ERBB4: variants seen among roughly 807,000 people sequenced by gnomAD.
ERBB4 encodes erb-b2 receptor tyrosine kinase 4, also known as receptor tyrosine-protein kinase erbB-4.
ERBB4 carries 42 observed loss-of-function variants against 158.0 expected under a neutral mutation model. The ratio of observed to expected loss-of-function variants is 0.27; its 90% CI spans 0.21 to 0.34. ERBB4 has a LOEUF of 0.34. ERBB4 is among the 10% of genes least tolerant of loss of function. The pLI is 1.00. For missense variants in ERBB4, 1,333 were observed against 1,624.1 expected (o/e 0.82, Z 3.08); for synonymous variants, 583 against 558.7 (o/e 1.04, Z -0.61).
chr2:212,386,352 C>T (rs1203103501), intron 1 of ERBB4, among the ~76,000 whole-genome samples: 1 of 151,868 alleles, frequency 6.6e-6, no homozygotes, highest in African/African-American at 2.4e-5. Context: ...TAGAATCTCT[C>T]ATTCTTTCTC....
At chr2:212,467,556 A>C (rs1688900637) in intron 1 of ERBB4, among the ~76,000 whole-genome samples, 1 of 152,230 alleles carries the variant, frequency 6.6e-6, no homozygotes, top group Non-Finnish European at 1.5e-5. Context: ...CCGCCAGTGC[A>C]CATAAGTCAA....
chr2:211,667,285 C>T (rs542448604), intron 14 of ERBB4, among the ~76,000 whole-genome samples: 6 of 151,890 alleles, frequency 4.0e-5, no homozygotes, highest in African/African-American at 7.3e-5. Flanking sequence ...ATCAGAAAAT[C>T]GAGAAATACA....
intron 1 of ERBB4, among the ~76,000 whole-genome samples, chr2:212,465,505 C>G (rs748727382): frequency 2.4e-4 from 36 of 152,122 alleles, no homozygotes; most frequent in Non-Finnish European, 4.3e-4. Flanking sequence ...TATACACACA[C>G]CTATTTTAGC....
intron 4 of ERBB4, among the ~76,000 whole-genome samples, chr2:211,772,645 T>C (rs2075721151): frequency 1.3e-5 from 2 of 150,406 alleles, no homozygotes; most frequent in African/African-American, 4.9e-5. Flanking sequence ...TGATAACTAA[T>C]GTTTTTTCTT....
intron 3 of ERBB4, among the ~76,000 whole-genome samples, chr2:211,941,292 T>C (rs1046485121): frequency 1.3e-5 from 2 of 151,692 alleles, no homozygotes; most frequent in East Asian, 3.9e-4. Flanking sequence ...TATCACAATA[T>C]GCTGAATAGA....
At chr2:212,327,725 TTTC>T (rs1445949108) in intron 1 of ERBB4, among the ~76,000 whole-genome samples, 923 of 36,478 alleles carry the variant, frequency 0.025, 4 homozygotes, top group African/African-American at 0.076. Flanking sequence ...TTTTTCTTTT[TTTC>T]TTTTTTTTTT....
intron 25 of ERBB4, among the ~76,000 whole-genome samples, chr2:211,403,732 T>C (rs2063092442): frequency 6.6e-6 from 1 of 152,170 alleles, no homozygotes; most frequent in African/African-American, 2.4e-5. Context: ...TTTCTGTGCA[T>C]TGATTTCCTT....
At chr2:212,112,935 C>T (rs2079457228) in intron 2 of ERBB4, among the ~76,000 whole-genome samples, 1 of 152,152 alleles carries the variant, frequency 6.6e-6, no homozygotes, top group African/African-American at 2.4e-5. Flanking sequence ...TAAAAGTTCA[C>T]TGAACATTTA....
intron 16 of ERBB4, among the ~76,000 whole-genome samples, chr2:211,640,480 T>G (rs544057106): frequency 1.2e-4 from 18 of 152,308 alleles, no homozygotes; most frequent in Non-Finnish European, 2.4e-4. Flanking sequence ...CCTAGATATT[T>G]TATATGTGTT....
intron 2 of ERBB4, among the ~76,000 whole-genome samples, chr2:212,111,721 C>CTA (rs2079413960): frequency 6.6e-6 from 1 of 151,894 alleles, no homozygotes; most frequent in Non-Finnish European, 1.5e-5. Flanking sequence ...ACTCAATCAT[C>CTA]TATTAATTAA....
At chr2:211,844,970 G>C (rs1048865109) in intron 3 of ERBB4, among the ~76,000 whole-genome samples, 1 of 152,052 alleles carries the variant, frequency 6.6e-6, no homozygotes, top group African/African-American at 2.4e-5. Flanking sequence ...GAGAAAGAAG[G>C]GGTGGCATTC....
intron 7 of ERBB4, among the ~76,000 whole-genome samples, chr2:211,714,112 T>C (rs1004753982): frequency 3.3e-5 from 5 of 152,092 alleles, no homozygotes; most frequent in Non-Finnish European, 5.9e-5. Flanking sequence ...TTCAGTGGAG[T>C]GCCACAAAAC....
At chr2:211,503,186 C>T (rs764757192) in intron 20 of ERBB4, among the ~76,000 whole-genome samples, 58 of 152,196 alleles carry the variant, frequency 3.8e-4, no homozygotes, top group Non-Finnish European at 7.8e-4. Flanking sequence ...ACAGAGAGAC[C>T]GTTTAAACCA....
chr2:211,767,973 A>T (rs2075595207), intron 4 of ERBB4, among the ~76,000 whole-genome samples: 1 of 152,172 alleles, frequency 6.6e-6, no homozygotes, highest in Non-Finnish European at 1.5e-5. Context: ...CCAAAGTCTC[A>T]TCTGAGACAA....
chr2:211,792,119 A>G (rs866606932), intron 3 of ERBB4, among the ~76,000 whole-genome samples: 4 of 151,882 alleles, frequency 2.6e-5, no homozygotes, highest in Middle Eastern at 3.4e-3. Context: ...GGAATTTGCA[A>G]TCAATATTTA....
chr2:211,677,164 C>T (rs1164674599), intron 13 of ERBB4, among the ~76,000 whole-genome samples: 1 of 151,974 alleles, frequency 6.6e-6, no homozygotes, highest in Non-Finnish European at 1.5e-5. Context: ...TTATTTTTCT[C>T]GTGTAAAATG....
chr2:211,660,383 C>T (rs1267620633), intron 15 of ERBB4, among the ~76,000 whole-genome samples: 1 of 152,048 alleles, frequency 6.6e-6, no homozygotes, highest in Non-Finnish European at 1.5e-5. Flanking sequence ...TCAAGAAATA[C>T]CTCAAAAGAT....
chr2:212,149,125 C>A (rs528590277), intron 1 of ERBB4, among the ~76,000 whole-genome samples: 1 of 149,926 alleles, frequency 6.7e-6, no homozygotes, highest in Non-Finnish European at 1.5e-5. Flanking sequence ...TGTAACTAAC[C>A]TGCACAATGT....
chr2:211,583,485 T>C (rs1297428895), intron 19 of ERBB4, among the ~76,000 whole-genome samples: 1 of 149,064 alleles, frequency 6.7e-6, no homozygotes, highest in African/African-American at 2.4e-5. Context: ...TCCCAAGATT[T>C]TTGGAAGTAT....
Sources: gnomAD v4.1 joint callset for allele counts (sites outside exome capture counted in the v4.1 genomes callset) on GRCh38, gnomAD v4.1.1 for gene constraint, MANE v1.5 for transcripts, NCBI Gene and HGNC (gene_info 2026-07-23, HGNC 2026-07-21) for gene names.